Variants in CNTNAP2 observed in about 807,000 individuals in gnomAD.
The protein encoded by CNTNAP2 is contactin-associated protein-like 2.
Under a neutral mutation model 155.2 loss-of-function variants are expected in CNTNAP2, and 98 were observed. The ratio of observed to expected loss-of-function variants is 0.63; its 90% CI spans 0.54 to 0.75. The LOEUF (loss-of-function observed/expected upper bound fraction) is 0.75, where lower values mean the gene tolerates loss of function less well. Ranked by LOEUF, CNTNAP2 falls within the 30% of genes least tolerant of loss-of-function variation. The pLI, the probability that CNTNAP2 is intolerant of heterozygous loss-of-function variation, is 0.00. For missense variants in CNTNAP2, 1,727 were observed against 1,688.1 expected (o/e 1.02, Z -0.40); for synonymous variants, 651 against 631.2 (o/e 1.03, Z -0.47).
At chr7:148,318,838 C>T (rs1563039932) in intron 21 of CNTNAP2, among the ~76,000 whole-genome samples, 1 of 152,202 alleles carries the variant, frequency 6.6e-6, no homozygotes, top group South Asian at 2.1e-4. Context: ...AAGAGGAACA[C>T]CGCTCTCTTT....
At chr7:147,492,686 T>A (rs927446516) in intron 11 of CNTNAP2, among the ~76,000 whole-genome samples, 8 of 152,172 alleles carry the variant, frequency 5.3e-5, no homozygotes, top group African/African-American at 1.4e-4. Context: ...GAAAAATGAC[T>A]GTCTCCATAC....
intron 12 of CNTNAP2, among the ~76,000 whole-genome samples, chr7:147,613,759 C>T (rs1271088887): frequency 6.6e-6 from 1 of 152,134 alleles, no homozygotes. Context: ...AGGAGAATCG[C>T]TTGAACCCAG....
chr7:147,766,104 G>T (rs1232371898), intron 13 of CNTNAP2, among the ~76,000 whole-genome samples: 2 of 152,176 alleles, frequency 1.3e-5, no homozygotes, highest in African/African-American at 4.8e-5. Context: ...GGCACAGGAA[G>T]TTTTTGGGGT....
chr7:147,858,496 G>A (rs1268576557), intron 13 of CNTNAP2, among the ~76,000 whole-genome samples: 1 of 152,256 alleles, frequency 6.6e-6, no homozygotes, highest in East Asian at 1.9e-4. Flanking sequence ...ATGTTATTGA[G>A]ATGTTGTTTA....
chr7:147,267,903 C>A (rs1456998747), intron 8 of CNTNAP2, among the ~76,000 whole-genome samples: 1 of 152,124 alleles, frequency 6.6e-6, no homozygotes, highest in African/African-American at 2.4e-5. Flanking sequence ...GTACAAGGTA[C>A]CCAAGGGAAG....
At chr7:147,993,156 A>G (rs1801745572) in intron 15 of CNTNAP2, among the ~76,000 whole-genome samples, 1 of 152,184 alleles carries the variant, frequency 6.6e-6, no homozygotes, top group African/African-American at 2.4e-5. Flanking sequence ...CTTTTGGTTT[A>G]TCCAAAGATA....
chr7:146,246,602 C>G (rs144755128), intron 1 of CNTNAP2, among the ~76,000 whole-genome samples: 6,094 of 150,824 alleles, frequency 0.04, 459 homozygotes, highest in African/African-American at 0.14. Context: ...CTCGGCGTCC[C>G]TGATGGTCTA....
Position 147,177,123 on chromosome 7 carries a change from CT to C in CNTNAP2, c.1348+44617del, listed in dbSNP as rs573029314. Reference sequence around the variant, plus strand: ...GTCATCTTTTCACTTCAGTCTATCTCTTTCTGTGTCATTTTACTCCTTTACA... The same window carrying C: ...GTCATCTTTTCACTTCAGTCTATCTCTTCTGTGTCATTTTACTCCTTTACA... On this transcript the variant is annotated intron_variant, in intron 8 of 23. Transcript: ENST00000361727. 2.1e-3 allele frequency among the ~76,000 whole-genome samples: 319 copies of C among 150,616 alleles called. 1 individual carries two copies. The highest frequency in any genetic ancestry group is 7.6e-3 in the African/African-American group (309 of 40,854).
Position 147,509,197 on chromosome 7 carries a change from T to C in CNTNAP2, c.1777+23156T>C, listed in dbSNP as rs147628055. On this transcript the variant is annotated intron_variant, in intron 11 of 23. Transcript: ENST00000361727. ...CAAGTCTCTTTGATTGCAGGAAACATTGTATCATCCCAAATCTGATTTAGG... is the reference window on the plus strand; with the variant it reads ...CAAGTCTCTTTGATTGCAGGAAACACTGTATCATCCCAAATCTGATTTAGG... Among the ~76,000 whole-genome samples, 1,181 of 152,296 alleles carry C rather than the reference T, an allele frequency of 7.8e-3. 13 individuals are homozygous for C. Among genetic ancestry groups the C allele is most frequent in the Non-Finnish European group, 0.012 (844 of 68,014 alleles).
chr7:148,341,511 G>A (rs966747349), intron 21 of CNTNAP2, among the ~76,000 whole-genome samples: 2 of 151,900 alleles, frequency 1.3e-5, no homozygotes, highest in Admixed American at 6.6e-5. Flanking sequence ...ATTTTTAGGC[G>A]TTACCTAACA....
intron 1 of CNTNAP2, among the ~76,000 whole-genome samples, chr7:146,141,018 C>T (rs778061955): frequency 1.3e-5 from 2 of 152,172 alleles, no homozygotes; most frequent in Non-Finnish European, 2.9e-5. Context: ...AATCTGGAAA[C>T]AAACTCAAAT....
chr7:148,107,923 A>G (rs1804259241), intron 15 of CNTNAP2, among the ~76,000 whole-genome samples: 1 of 152,210 alleles, frequency 6.6e-6, no homozygotes, highest in Non-Finnish European at 1.5e-5. Flanking sequence ...GAAATCACTC[A>G]ATCTGGGAGG....
At chr7:146,232,923 G>T (rs554541363) in intron 1 of CNTNAP2, among the ~76,000 whole-genome samples, 2 of 152,208 alleles carry the variant, frequency 1.3e-5, no homozygotes, top group South Asian at 4.1e-4. Context: ...TGGCCCTTAG[G>T]CTCCAGTTAA....
chr7:146,520,953 A>G (rs1195173728), intron 1 of CNTNAP2, among the ~76,000 whole-genome samples: 1 of 151,884 alleles, frequency 6.6e-6, no homozygotes, highest in Non-Finnish European at 1.5e-5. Flanking sequence ...CCATCCTTAT[A>G]TTCCCCAAAA....
intron 1 of CNTNAP2, among the ~76,000 whole-genome samples, chr7:146,214,295 T>G (rs1799081027): frequency 6.6e-6 from 1 of 152,212 alleles, no homozygotes; most frequent in African/African-American, 2.4e-5. Flanking sequence ...TATAAACTGT[T>G]GTCATTATGA....
At chr7:146,561,310 C>T (rs1291733303) in intron 1 of CNTNAP2, among the ~76,000 whole-genome samples, 1 of 152,018 alleles carries the variant, frequency 6.6e-6, no homozygotes, top group Non-Finnish European at 1.5e-5. Flanking sequence ...ATAAAAGGGG[C>T]CATTACAAAA....
Position 147,897,710 on chromosome 7 carries a change from G to A in CNTNAP2, c.2099-5855G>A, listed in dbSNP as rs555675363. On this transcript the variant is annotated intron_variant, in intron 13 of 23. Transcript: ENST00000361727. ...AGCCAAGACCTAGTGTAGCTTTTGGGCCAAATGACCTTAACATTTCTTTCG... is the reference window on the plus strand; with the variant it reads ...AGCCAAGACCTAGTGTAGCTTTTGGACCAAATGACCTTAACATTTCTTTCG... Among the ~76,000 whole-genome samples, 34 of 152,240 alleles carry A rather than the reference G, an allele frequency of 2.2e-4. No homozygotes were observed. In the South Asian group the frequency reaches 6.8e-3, roughly 31 times the overall value.
intron 1 of CNTNAP2, among the ~76,000 whole-genome samples, chr7:146,764,332 A>G (rs547199759): frequency 3.9e-5 from 6 of 152,270 alleles, no homozygotes; most frequent in African/African-American, 1.2e-4. Flanking sequence ...TAGAGATTAA[A>G]ACCTCTGCCT....
intron 1 of CNTNAP2, among the ~76,000 whole-genome samples, chr7:146,119,491 A>G (rs1797532759): frequency 6.6e-6 from 1 of 152,190 alleles, no homozygotes; most frequent in African/African-American, 2.4e-5. Context: ...GCAGATAGCG[A>G]AAATGAACTG....
Sources: gnomAD v4.1 joint callset for allele counts (sites outside exome capture counted in the v4.1 genomes callset) on GRCh38, gnomAD v4.1.1 for gene constraint, MANE v1.5 for transcripts, NCBI Gene and HGNC (gene_info 2026-07-23, HGNC 2026-07-21) for gene names.